FRYL: variants seen among roughly 807,000 people sequenced by gnomAD.
The protein encoded by FRYL is protein furry homolog-like.
FRYL carries 150 observed loss-of-function variants against 351.2 expected under a neutral mutation model. The ratio of observed to expected loss-of-function variants is 0.43; its 90% CI spans 0.37 to 0.49. The LOEUF is 0.49. FRYL is among the 20% of genes least tolerant of loss of function. The pLI, the probability that FRYL is intolerant of heterozygous loss-of-function variation, is 0.00. For missense variants in FRYL, 3,036 were observed against 3,619.3 expected (o/e 0.84, Z 4.13); for synonymous variants, 1,153 against 1,257.1 (o/e 0.92, Z 1.75).
chr4:48,563,473 T>C (rs1235863274), intron 31 of FRYL, among the ~76,000 whole-genome samples: 1 of 151,924 alleles, frequency 6.6e-6, no homozygotes, highest in East Asian at 1.9e-4. Flanking sequence ...TCCCAGCACT[T>C]TGGGAAGCCA....
intron 3 of FRYL, chr4:48,680,998 G>A (rs1438696587): frequency 3.9e-6 from 5 of 1,279,212 alleles, no homozygotes; most frequent in East Asian, 5.7e-5. Flanking sequence ...CTCATCCACC[G>A]TCTTCTCAGA....
chr4:48,532,940 CT>C (rs1278473132), intron 49 of FRYL, among the ~76,000 whole-genome samples: 1 of 152,046 alleles, frequency 6.6e-6, no homozygotes, highest in Admixed American at 6.6e-5. Flanking sequence ...ATAAAGAAAT[CT>C]GGAAAAAAAA....
intron 41 of FRYL, chr4:48,546,536 T>C: frequency 2.6e-6 from 1 of 377,410 alleles, no homozygotes; most frequent in Non-Finnish European, 4.8e-6. Context: ...TGAAGAAACT[T>C]GCAAGTGGCA....
chr4:48,779,870 C>T (rs1172927318), intron 1 of FRYL, among the ~76,000 whole-genome samples: 1 of 151,522 alleles, frequency 6.6e-6, no homozygotes, highest in Non-Finnish European at 1.5e-5. Flanking sequence ...GTTTGGTGTC[C>T]GTTACGAGCG....
At chr4:48,730,443 A>G (rs1390256666) in intron 1 of FRYL, among the ~76,000 whole-genome samples, 1 of 152,220 alleles carries the variant, frequency 6.6e-6, no homozygotes, top group Non-Finnish European at 1.5e-5. Context: ...AGATTCACCA[A>G]GGTTGAAATG....
intron 3 of FRYL, among the ~76,000 whole-genome samples, chr4:48,676,294 C>G (rs995242017): frequency 6.6e-6 from 1 of 152,156 alleles, no homozygotes; most frequent in Non-Finnish European, 1.5e-5. Context: ...TAACACTCAC[C>G]GCGAAGGTCT....
At chr4:48,710,812 G>T in intron 1 of FRYL, 114 bp from the exon 2 acceptor site, 1 of 387,408 alleles carries the variant, frequency 2.6e-6, no homozygotes, top group Non-Finnish European at 4.6e-6. Flanking sequence ...GTTCCTCAAA[G>T]GTGAAACATC....
At position 48,606,813 on chromosome 4, in the gene FRYL, T is replaced by C. The variant is rs376267758; in HGVS notation, c.573-207A>G. 1.8e-4 allele frequency among the ~76,000 whole-genome samples: 27 copies of C among 152,304 alleles called. No homozygotes were observed. The East Asian group carries it at 3.7e-3, about 21-fold the overall frequency. On this transcript the variant is annotated intron_variant, in intron 9 of 63. Transcript: ENST00000358350. ...TTTCTTTTAAAATTAAATTAAAAGT[T>C]TCTGAAGGAGAAATAATAGGATTTC...
intron 1 of FRYL, among the ~76,000 whole-genome samples, chr4:48,731,475 A>C (rs1231987082): frequency 2.0e-5 from 3 of 152,230 alleles, no homozygotes; most frequent in Non-Finnish European, 4.4e-5. Context: ...TGCATAGCCA[A>C]GACAATCCTG....
chr4:48,510,184 G>A, intron 58 of FRYL, 27 bp from the exon 59 acceptor site: 1 of 1,517,290 alleles, frequency 6.6e-7, no homozygotes, highest in Non-Finnish European at 9.2e-7. Context: ...ATTGATCCAG[G>A]TTACCATTTC....
At chr4:48,746,607 CTCTT>C (rs747089210) in intron 1 of FRYL, among the ~76,000 whole-genome samples, 13 of 152,150 alleles carry the variant, frequency 8.5e-5, no homozygotes, top group Non-Finnish European at 1.5e-4. Context: ...TTCTTCGACA[CTCTT>C]TCTACCAAAA....
intron 33 of FRYL, among the ~76,000 whole-genome samples, chr4:48,558,924 T>C (rs889287681): frequency 2.6e-5 from 4 of 152,190 alleles, no homozygotes; most frequent in African/African-American, 9.6e-5. Context: ...TGCTCCTCTC[T>C]TTCCATGCTA....
At chr4:48,631,131 G>C (rs1752878259) in intron 4 of FRYL, among the ~76,000 whole-genome samples, 1 of 152,154 alleles carries the variant, frequency 6.6e-6, no homozygotes, top group Non-Finnish European at 1.5e-5. Flanking sequence ...CTCTGCTCTA[G>C]ATAAGAAGAA....
chr4:48,690,721 T>A (rs1331905944), intron 2 of FRYL, among the ~76,000 whole-genome samples: 1 of 152,198 alleles, frequency 6.6e-6, no homozygotes, highest in Non-Finnish European at 1.5e-5. Context: ...ATCAATGTGT[T>A]AACCTTTTAT....
Position 48,609,824 on chromosome 4 carries a change from C to T in FRYL, c.412-1G>A. 6.4e-7 allele frequency: 1 copy of T among 1,553,474 alleles called. No individual in the cohort carries two copies. The highest frequency in any genetic ancestry group is 2.3e-5 in the East Asian group (1 of 43,822). ...GATCGGGTACAGGATGAACAGGAAT[C>T]TAGAATTTAAAAAAATTATCAAGTA... On this transcript the variant is annotated splice_acceptor_variant, in intron 7 of 63. Coordinates refer to ENST00000358350, the MANE Select transcript of FRYL (RefSeq NM_015030.2). LOFTEE classifies it high-confidence loss of function.
chr4:48,591,192 T>C (rs1461870560), intron 16 of FRYL, among the ~76,000 whole-genome samples: 1 of 152,092 alleles, frequency 6.6e-6, no homozygotes, highest in Non-Finnish European at 1.5e-5. Flanking sequence ...CTTTCCTCAA[T>C]CTCTCAATTA....
intron 6 of FRYL, 34 bp downstream of exon 6, chr4:48,620,605 T>A: frequency 2.5e-6 from 4 of 1,573,240 alleles, no homozygotes; most frequent in Non-Finnish European, 3.5e-6. Flanking sequence ...AGTGTGTTAA[T>A]TCCAGGTGAA....
At chr4:48,565,171 T>C (rs1736491711) in intron 29 of FRYL, 128 bp from the exon 30 acceptor site, 4 of 524,268 alleles carry the variant, frequency 7.6e-6, no homozygotes, top group Non-Finnish European at 1.3e-5. Context: ...AAATTATTTT[T>C]TAAAACTGAG....
In FRYL at chr4:48,540,864, G is replaced by T. The variant is rs1184681815; in HGVS notation, c.5784C>A (p.Ser1928Arg). ...LNLSTSPINS[S>R]SYLGYNSNAR... ...CATTACTGTTATATCCCAAATAACTGCTACTATTAATGGGACTTGTGCTTA... is the reference window on the plus strand; with the variant it reads ...CATTACTGTTATATCCCAAATAACTTCTACTATTAATGGGACTTGTGCTTA... The change falls in exon 46 of 64, where the codon AGC (serine) becomes AGA (arginine). Residue 1928 changes from serine to arginine, a missense_variant. Coordinates refer to ENST00000358350, the MANE Select transcript of FRYL (RefSeq NM_015030.2). 7.4e-6 allele frequency: 12 copies of T among 1,613,744 alleles called. No individual in the cohort carries two copies. In the East Asian group the frequency reaches 2.7e-4, roughly 36 times the overall value.
Sources: gnomAD v4.1 joint callset for allele counts (sites outside exome capture counted in the v4.1 genomes callset) on GRCh38, gnomAD v4.1.1 for gene constraint, MANE v1.5 for transcripts, NCBI Gene and HGNC (gene_info 2026-07-23, HGNC 2026-07-21) for gene names.